The following CNOT1 variants were observed in gnomAD, a reference collection of about 807,000 sequenced individuals.
CNOT1 encodes CCR4-associated factor 1.
A neutral mutation model predicts 273.8 loss-of-function variants in CNOT1; 15 were observed. That is an observed-to-expected ratio of 0.05 (90% CI 0.04 to 0.08). The LOEUF (loss-of-function observed/expected upper bound fraction) is 0.08, where lower values mean the gene tolerates loss of function less well. Ranked by LOEUF, CNOT1 falls within the 10% of genes least tolerant of loss-of-function variation. The pLI is 1.00. For missense variants in CNOT1, 1,644 were observed against 2,912.2 expected (o/e 0.56, Z 10.02); for synonymous variants, 1,022 against 1,005.5 (o/e 1.02, Z -0.31).
intron 11 of CNOT1, among the ~76,000 whole-genome samples, 161 bp downstream of exon 11, chr16:58,581,184 T>C (rs2041646286): frequency 6.6e-6 from 1 of 152,232 alleles, no homozygotes; most frequent in African/African-American, 2.4e-5. Flanking sequence ...ACTAAAACTA[T>C]GATAATATTC....
At chr16:58,626,251 T>C (rs552175254) in intron 1 of CNOT1, among the ~76,000 whole-genome samples, 8 of 151,260 alleles carry the variant, frequency 5.3e-5, no homozygotes, top group Non-Finnish European at 8.8e-5. Flanking sequence ...CTACTAAAAA[T>C]ACAAAAACTA....
chr16:58,523,129 C>T (rs2039464865), intron 47 of CNOT1: 2 of 262,504 alleles, frequency 7.6e-6, no homozygotes, highest in Admixed American at 1.0e-4. Context: ...CCTGTAATCC[C>T]AGCTACTTGA....
chr16:58,551,924 G>T, intron 22 of CNOT1, 105 bp from the exon 23 acceptor site: 1 of 1,449,164 alleles, frequency 6.9e-7, no homozygotes. Context: ...TGCTCTTTTG[G>T]TTCATCTAGC....
intron 39 of CNOT1, 94 bp from the exon 40 acceptor site, chr16:58,534,489 T>C (rs966962778): frequency 7.5e-7 from 1 of 1,338,190 alleles, no homozygotes. Context: ...GATATTCTCA[T>C]TTGTTCCTAC....
intron 2 of CNOT1, among the ~76,000 whole-genome samples, chr16:58,598,457 T>C (rs1441858395): frequency 7.0e-6 from 1 of 141,982 alleles, no homozygotes; most frequent in Non-Finnish European, 1.5e-5. Flanking sequence ...TAGTCCCAGC[T>C]ACTAGGGAGG....
At chr16:58,583,791 A>G (rs2041736798) in intron 8 of CNOT1, among the ~76,000 whole-genome samples, 1 of 152,038 alleles carries the variant, frequency 6.6e-6, no homozygotes, top group African/African-American at 2.4e-5. Flanking sequence ...CACCCACCTC[A>G]GCCTCCCAAA....
chr16:58,540,014 A>G, intron 34 of CNOT1, 55 bp from the exon 35 acceptor site: 1 of 1,541,532 alleles, frequency 6.5e-7, no homozygotes, highest in Non-Finnish European at 8.8e-7. Flanking sequence ...AAGGTTTTTT[A>G]TTGACACATG....
chr16:58,530,279 C>T lies in CNOT1; in HGVS notation c.6246G>A (p.Val2082=). 1 of 1,611,844 alleles carries T rather than the reference C, an allele frequency of 6.2e-7. No individual in the cohort carries two copies. Among genetic ancestry groups the T allele is most frequent in the Non-Finnish European group, 8.5e-7 (1 of 1,178,518 alleles). ...FKYLAPFLRN[V]ELTKPMQILY... is the part of the protein sequence containing the mutation. ...GGATTTGCATAGGTTTGGTGAGTTCCACATTTCTAAGGAAAGGCGCTAAAT... is the reference window on the plus strand; with the variant it reads ...GGATTTGCATAGGTTTGGTGAGTTCTACATTTCTAAGGAAAGGCGCTAAAT... The change falls in exon 43 of 49, where the codon GTG becomes GTA. Residue 2082 remains valine, a synonymous_variant. Coordinates refer to ENST00000317147, the MANE Select transcript of CNOT1 (RefSeq NM_016284.5).
intron 43 of CNOT1, 52 bp from the exon 44 acceptor site, chr16:58,528,700 C>T: frequency 7.4e-7 from 1 of 1,348,052 alleles, no homozygotes; most frequent in Non-Finnish European, 1.0e-6. Context: ...AATGGAGTAA[C>T]ATTTTCCTAT....
At chr16:58,540,048 T>C (rs1036354081) in intron 34 of CNOT1, 89 bp from the exon 35 acceptor site, 22 of 1,286,396 alleles carry the variant, frequency 1.7e-5, no homozygotes, top group Non-Finnish European at 2.2e-5. Flanking sequence ...TCTACTAGTA[T>C]GTTTACTCCC....
chr16:58,597,960 C>A (rs1394727776), intron 2 of CNOT1: 2 of 228,586 alleles, frequency 8.7e-6, no homozygotes, highest in Non-Finnish European at 1.7e-5. Context: ...CCATCCCCAA[C>A]CCTGTTTAAG....
At chr16:58,523,615 G>T in intron 46 of CNOT1, 113 bp from the exon 47 acceptor site, 1 of 919,284 alleles carries the variant, frequency 1.1e-6, no homozygotes, top group African/African-American at 1.7e-5. Flanking sequence ...TTAATCTTTG[G>T]TTTAAAGCAG....
At chr16:58,543,575 T>C (rs1336603285) in intron 31 of CNOT1, 32 bp downstream of exon 31, 1 of 1,614,118 alleles carries the variant, frequency 6.2e-7, no homozygotes, top group South Asian at 1.1e-5. Context: ...GTAATACGTT[T>C]TGTACCTATA....
At chr16:58,591,551 C>T (rs1293690661) in intron 2 of CNOT1, among the ~76,000 whole-genome samples, 3 of 152,020 alleles carry the variant, frequency 2.0e-5, no homozygotes, top group Admixed American at 6.6e-5. Context: ...GTCAGGAGTT[C>T]GAGACCAGCC....
At chr16:58,579,740 C>T (rs527425873) in intron 12 of CNOT1, among the ~76,000 whole-genome samples, 1 of 152,168 alleles carries the variant, frequency 6.6e-6, no homozygotes, top group African/African-American at 2.4e-5. Context: ...TCCCTGTAGC[C>T]CTGCGTACTT....
chr16:58,529,213 A>G (rs1232219253), intron 43 of CNOT1, among the ~76,000 whole-genome samples: 1 of 152,160 alleles, frequency 6.6e-6, no homozygotes, highest in East Asian at 1.9e-4. Context: ...GAAATAGAAC[A>G]CCTTAGCACA....
chr16:58,541,464 T>C (rs2040094483), intron 34 of CNOT1, 37 bp downstream of exon 34: 1 of 1,589,848 alleles, frequency 6.3e-7, no homozygotes, highest in South Asian at 1.1e-5. Flanking sequence ...TTTAAATTAA[T>C]TGGCAAAACA....
chr16:58,601,904 AAAT>A (rs2042481119), intron 1 of CNOT1, among the ~76,000 whole-genome samples: 1 of 151,444 alleles, frequency 6.6e-6, no homozygotes, highest in Admixed American at 6.6e-5. Context: ...ATTTTTAAGT[AAAT>A]AATAAAAAGA....
chr16:58,539,698 A>T, intron 35 of CNOT1, 70 bp downstream of exon 35: 1 of 1,395,684 alleles, frequency 7.2e-7, no homozygotes, highest in Non-Finnish European at 9.7e-7. Flanking sequence ...ATAAATATGT[A>T]GATGGTGGTG....
Sources: gnomAD v4.1 joint callset for allele counts (sites outside exome capture counted in the v4.1 genomes callset) on GRCh38, gnomAD v4.1.1 for gene constraint, MANE v1.5 for transcripts, NCBI Gene and HGNC (gene_info 2026-07-23, HGNC 2026-07-21) for gene names.